PLCB4: variants seen among roughly 807,000 people sequenced by gnomAD.
The protein encoded by PLCB4 is 1-phosphatidylinositol 4,5-bisphosphate phosphodiesterase beta-4.
Under a neutral mutation model 178.8 loss-of-function variants are expected in PLCB4, and 77 were observed. The ratio of observed to expected loss-of-function variants is 0.43; its 90% CI spans 0.36 to 0.52. The LOEUF is 0.52. PLCB4 is among the 20% of genes least tolerant of loss of function. The pLI is 0.00. For missense variants in PLCB4, 1,024 were observed against 1,453.4 expected (o/e 0.70, Z 4.80); for synonymous variants, 496 against 490.8 (o/e 1.01, Z -0.14).
intron 23 of PLCB4, 145 bp from the exon 24 acceptor site, chr20:9,408,912 A>T (rs1435285694): frequency 5.1e-6 from 4 of 780,616 alleles, no homozygotes; most frequent in African/African-American, 3.5e-5. Flanking sequence ...CTGTGATCTT[A>T]AGCATCATTT....
Position 9,407,945 on chromosome 20 carries a change from C to T in PLCB4, c.1676C>T (p.Ala559Val), listed in dbSNP as rs138509890. The change falls in exon 22 of 40, where the codon GCG (alanine) becomes GTG (valine). Residue 559 changes from alanine (A) to valine (V), a missense_variant. Transcript: ENST00000378473. ...CTGGTCACTGTAGAAGATGAGCAGGCGTGGATGGCATCTTATAAATATGTA... is the reference window on the plus strand; with the variant it reads ...CTGGTCACTGTAGAAGATGAGCAGGTGTGGATGGCATCTTATAAATATGTA... Reference protein sequence around the residue: ...KGLVTVEDEQAWMASYKYVGA... With the variant: ...KGLVTVEDEQVWMASYKYVGA... 18 of 1,613,440 alleles carry T rather than the reference C, an allele frequency of 1.1e-5. No individual in the cohort carries two copies. The highest frequency in any genetic ancestry group is 2.2e-5 in the East Asian group (1 of 44,880).
intron 2 of PLCB4, among the ~76,000 whole-genome samples, chr20:9,098,087 T>A (rs1430200800): frequency 6.6e-6 from 1 of 152,240 alleles, no homozygotes; most frequent in East Asian, 1.9e-4. Flanking sequence ...TTGCAGTGAA[T>A]TGACTGCATA....
intron 1 of PLCB4, among the ~76,000 whole-genome samples, chr20:9,095,938 A>T (rs992117098): frequency 2.0e-5 from 3 of 152,194 alleles, no homozygotes; most frequent in African/African-American, 7.2e-5. Flanking sequence ...TTCTTTGTTT[A>T]TACATTTACT....
At chr20:9,404,929 G>T (rs973574763) in intron 20 of PLCB4, among the ~76,000 whole-genome samples, 4 of 152,158 alleles carry the variant, frequency 2.6e-5, no homozygotes, top group African/African-American at 9.7e-5. Context: ...TTCAGTATAT[G>T]AATTGGGGAC....
chr20:9,320,973 G>T (rs535904447), intron 4 of PLCB4, among the ~76,000 whole-genome samples: 1 of 152,292 alleles, frequency 6.6e-6, no homozygotes, highest in Non-Finnish European at 1.5e-5. Flanking sequence ...GAAAGGTAAG[G>T]AATTGTAGAC....
intron 2 of PLCB4, among the ~76,000 whole-genome samples, chr20:9,216,244 GTCTC>G (rs906996721): frequency 6.6e-6 from 1 of 151,844 alleles, no homozygotes; most frequent in African/African-American, 2.4e-5. Context: ...GTGAGATGGA[GTCTC>G]TCTCTGTCAC....
intron 6 of PLCB4, among the ~76,000 whole-genome samples, chr20:9,338,472 G>A (rs928684518): frequency 3.0e-4 from 46 of 152,046 alleles, no homozygotes; most frequent in South Asian, 6.2e-4. Context: ...TTGAGCCCAG[G>A]AGTTTGAGAC....
At chr20:9,071,936 A>G (rs2089595633) in intron 1 of PLCB4, among the ~76,000 whole-genome samples, 2 of 152,218 alleles carry the variant, frequency 1.3e-5, no homozygotes, top group South Asian at 4.1e-4. Flanking sequence ...ACCACAGTTG[A>G]GTCCCTGTAA....
chr20:9,269,362 A>G (rs1237807377), intron 3 of PLCB4, among the ~76,000 whole-genome samples: 1 of 152,196 alleles, frequency 6.6e-6, no homozygotes, highest in African/African-American at 2.4e-5. Flanking sequence ...AGGATGAACA[A>G]GCTCAATTCT....
At chr20:9,236,191 T>G (rs1197068673) in intron 3 of PLCB4, among the ~76,000 whole-genome samples, 1 of 152,168 alleles carries the variant, frequency 6.6e-6, no homozygotes, top group African/African-American at 2.4e-5. Flanking sequence ...AAAATCTGCT[T>G]ATGGTAAGCA....
rs535276871 is a variant in PLCB4, at chr20:9,362,309, G to A, written c.370-587G>A. ...ACTTGTCCTTGTAAAACAGTGGAGT[G>A]ATGGTATGAACTACAAGTGAGGTCC... On this transcript the variant is annotated intron_variant, in intron 7 of 39. Coordinates refer to ENST00000378473, the MANE Select transcript of PLCB4 (RefSeq NM_001377142.1). Among the ~76,000 whole-genome samples the A allele has an allele frequency of 7.2e-5, 11 of 152,278 alleles. No individual in the cohort carries two copies. The South Asian group carries it at 2.1e-3, about 29-fold the overall frequency.
intron 4 of PLCB4, among the ~76,000 whole-genome samples, chr20:9,313,007 T>C (rs2094854604): frequency 6.6e-6 from 1 of 152,204 alleles, no homozygotes; most frequent in Non-Finnish European, 1.5e-5. Context: ...AAATACATTT[T>C]TCTATAGAAG....
chr20:9,439,826 A>G (rs773535721), intron 30 of PLCB4, among the ~76,000 whole-genome samples: 2 of 152,254 alleles, frequency 1.3e-5, no homozygotes, highest in Non-Finnish European at 2.9e-5. Flanking sequence ...AAAAGTTTGA[A>G]GACCATTAAG....
rs766548635 is a variant in PLCB4, at chr20:9,371,235, G to A, written c.525G>A (p.Ser175=). Residue 175 remains serine, a synonymous_variant, in exon 10 of 40, where the codon TCG becomes TCA. Transcript: ENST00000378473. The part of the protein sequence containing the change: ...PVRSITRTFA[S]GKTEKVIFQA... ...CTAGTATTACTAGAACATTTGCATC[G>A]GGAAAAACAGAAAAGGTGATCTTTC... 1.0e-5 allele frequency: 16 copies of A among 1,607,726 alleles called. No individual in the cohort carries two copies. Among genetic ancestry groups the A allele is most frequent in the East Asian group, 4.5e-5 (2 of 44,810 alleles).
chr20:9,136,996 T>G (rs981007637), intron 2 of PLCB4, among the ~76,000 whole-genome samples: 1 of 152,030 alleles, frequency 6.6e-6, no homozygotes, highest in Non-Finnish European at 1.5e-5. Context: ...GTCAGTTGCT[T>G]AAGAGACTCC....
chr20:9,223,093 G>A (rs2093819394), intron 3 of PLCB4, among the ~76,000 whole-genome samples: 1 of 152,050 alleles, frequency 6.6e-6, no homozygotes, highest in Admixed American at 6.6e-5. Flanking sequence ...GTAGAAAGTA[G>A]AAAAATTTTA....
intron 4 of PLCB4, among the ~76,000 whole-genome samples, chr20:9,323,650 G>T (rs950079608): frequency 6.6e-6 from 1 of 152,226 alleles, no homozygotes; most frequent in Non-Finnish European, 1.5e-5. Context: ...ATCTGTGGCA[G>T]CTATGGAGGT....
intron 2 of PLCB4, among the ~76,000 whole-genome samples, chr20:9,118,839 A>G (rs759529558): frequency 1.3e-5 from 2 of 152,230 alleles, no homozygotes; most frequent in Non-Finnish European, 2.9e-5. Context: ...GTGAGGCATT[A>G]GCACATATCC....
intron 2 of PLCB4, among the ~76,000 whole-genome samples, chr20:9,181,205 T>G (rs1227947866): frequency 6.6e-6 from 1 of 152,178 alleles, no homozygotes; most frequent in Non-Finnish European, 1.5e-5. Context: ...GATATTAGTC[T>G]TTTTGAGACC....
Sources: gnomAD v4.1 joint callset for allele counts (sites outside exome capture counted in the v4.1 genomes callset) on GRCh38, gnomAD v4.1.1 for gene constraint, MANE v1.5 for transcripts, NCBI Gene and HGNC (gene_info 2026-07-23, HGNC 2026-07-21) for gene names.